CDH18: variants seen among roughly 807,000 people sequenced by gnomAD.
CDH18 encodes the protein cadherin-18.
CDH18 carries 31 observed loss-of-function variants against 67.9 expected under a neutral mutation model. That is an observed-to-expected ratio of 0.46 (90% CI 0.34 to 0.62). CDH18 has a LOEUF of 0.62. CDH18 is among the 20% of genes least tolerant of loss of function. The pLI is 0.01. For missense variants in CDH18, 890 were observed against 975.5 expected (o/e 0.91, Z 1.17); for synonymous variants, 362 against 347.2 (o/e 1.04, Z -0.48).
intron 2 of CDH18, among the ~76,000 whole-genome samples, chr5:19,873,534 C>T (rs1023665422): frequency 2.0e-5 from 3 of 152,166 alleles, no homozygotes; most frequent in African/African-American, 7.2e-5. Context: ...ATGACATATA[C>T]ATTCCCTAGT....
intron 6 of CDH18, among the ~76,000 whole-genome samples, chr5:19,611,734 A>G (rs1211965832): frequency 1.3e-5 from 2 of 152,126 alleles, no homozygotes; most frequent in Admixed American, 6.6e-5. Flanking sequence ...TGTTATCTAT[A>G]GTATCTTCCA....
chr5:20,428,833 T>C lies in CDH18; in HGVS notation c.-580+146629A>G, dbSNP rs1748526212. Among the ~76,000 whole-genome samples the C allele has an allele frequency of 2.0e-5, 3 of 152,140 alleles. No individual in the cohort carries two copies. In the South Asian group the frequency reaches 6.2e-4, roughly 31 times the overall value. ...TTTAGTGGCATTTTTTTCTCAGATA[T>C]AGGAAAACAATAAAGCAAGAAAAAG... On this transcript the variant is annotated intron_variant, in intron 1 of 14. Coordinates refer to the CDH18 transcript ENST00000507958.
At position 20,425,612 on chromosome 5, in the gene CDH18, T is replaced by G. The variant is rs966111832; in HGVS notation, c.-580+149850A>C. Among the ~76,000 whole-genome samples, 4 of 151,024 alleles carry G rather than the reference T, an allele frequency of 2.6e-5. 1 individual carries two copies. Among genetic ancestry groups the G allele is most frequent in the African/African-American group, 9.9e-5 (4 of 40,376 alleles). ...GATAATGTCTAAAATTGACAAATCT[T>G]AAATAGTAAAAATAATTGAAAATAG... is the stretch of plus-strand genomic sequence containing the variant. On this transcript the variant is annotated intron_variant, in intron 1 of 14. Coordinates refer to the CDH18 transcript ENST00000507958.
At chr5:20,107,316 C>T (rs1169143941) in intron 2 of CDH18, among the ~76,000 whole-genome samples, 3 of 152,048 alleles carry the variant, frequency 2.0e-5, no homozygotes, top group South Asian at 4.1e-4. Context: ...CCTCGTGATC[C>T]GCCTGCCTTG....
intron 1 of CDH18, among the ~76,000 whole-genome samples, chr5:20,542,726 T>C (rs1350839522): frequency 2.0e-5 from 3 of 152,076 alleles, no homozygotes; most frequent in South Asian, 4.1e-4. Context: ...TCTGTCTTCA[T>C]TGATTTATGA....
chr5:20,345,401 G>A (rs964008900), intron 1 of CDH18, among the ~76,000 whole-genome samples: 1 of 152,110 alleles, frequency 6.6e-6, no homozygotes, highest in Non-Finnish European at 1.5e-5. Context: ...TTTCTGCTAG[G>A]ATTTAATGTC....
At chr5:20,328,473 TTGTGTGTGTGTGTGTGTGTG>T (rs70954646) in intron 1 of CDH18, among the ~76,000 whole-genome samples, 3 of 141,310 alleles carry the variant, frequency 2.1e-5, no homozygotes, top group Non-Finnish European at 4.6e-5. Context: ...GAGAAGCCAT[TTGTGTGTGTGTGTGTGTGTG>T]TGTGTGTGTG....
intron 4 of CDH18, among the ~76,000 whole-genome samples, chr5:19,724,135 TG>T (rs1258110495): frequency 2.6e-5 from 4 of 152,228 alleles, no homozygotes; most frequent in African/African-American, 9.6e-5. Context: ...ATGAGAGACT[TG>T]TTAAATGAAC....
intron 2 of CDH18, among the ~76,000 whole-genome samples, chr5:20,044,780 A>G (rs968070332): frequency 2.0e-5 from 3 of 152,126 alleles, no homozygotes; most frequent in South Asian, 4.1e-4. Context: ...TTGTCTCTCT[A>G]TGTTCCAGGT....
chr5:19,673,439 A>C (rs1759034573), intron 5 of CDH18, among the ~76,000 whole-genome samples: 1 of 152,036 alleles, frequency 6.6e-6, no homozygotes, highest in African/African-American at 2.4e-5. Context: ...ATCTGATTTT[A>C]AGCTTTCTTA....
At chr5:20,272,047 A>C (rs1243597524) in intron 1 of CDH18, among the ~76,000 whole-genome samples, 1 of 152,068 alleles carries the variant, frequency 6.6e-6, no homozygotes, top group Non-Finnish European at 1.5e-5. Context: ...AGGGAGGTGA[A>C]CATTTCCAGT....
rs2126648943 is a variant in CDH18, at chr5:20,562,061, T to C, written c.-580+13401A>G. Among the ~76,000 whole-genome samples, 3 of 151,974 alleles carry C rather than the reference T, an allele frequency of 2.0e-5. No individual in the cohort carries two copies. In the Middle Eastern group the frequency reaches 0.01, roughly 517 times the overall value. Reference sequence around the variant, plus strand: ...ATATTCAAAGGTATTACAATAAAAATTTAGAGAAGTTTAATTATAAAATTC... The same window carrying C: ...ATATTCAAAGGTATTACAATAAAAACTTAGAGAAGTTTAATTATAAAATTC... On this transcript the variant is annotated intron_variant, in intron 1 of 14. Coordinates refer to the CDH18 transcript ENST00000507958.
At chr5:20,281,853 T>C (rs1430669073) in intron 1 of CDH18, among the ~76,000 whole-genome samples, 1 of 152,212 alleles carries the variant, frequency 6.6e-6, no homozygotes, top group Non-Finnish European at 1.5e-5. Context: ...GAGCATGGAA[T>C]GTTCTTCCAT....
intron 2 of CDH18, among the ~76,000 whole-genome samples, chr5:20,201,475 C>T (rs1739440556): frequency 6.6e-6 from 1 of 151,914 alleles, no homozygotes; most frequent in African/African-American, 2.4e-5. Flanking sequence ...TGGGGTATTA[C>T]TAAATGTGGA....
At chr5:20,231,743 T>G (rs1742095219) in intron 2 of CDH18, among the ~76,000 whole-genome samples, 1 of 152,288 alleles carries the variant, frequency 6.6e-6, no homozygotes. Context: ...AGCTGAATGG[T>G]AACAAAAAGA....
At chr5:20,091,956 A>AT (rs1475862073) in intron 2 of CDH18, among the ~76,000 whole-genome samples, 1 of 152,060 alleles carries the variant, frequency 6.6e-6, no homozygotes, top group Non-Finnish European at 1.5e-5. Flanking sequence ...TTTTGTTTTG[A>AT]TTTTTTCATG....
intron 1 of CDH18, among the ~76,000 whole-genome samples, chr5:20,452,388 T>C (rs76928725): frequency 0.016 from 2,507 of 152,194 alleles, 33 homozygotes; most frequent in Non-Finnish European, 0.024. Context: ...CAGTGACAGA[T>C]TGGATAAAAA....
chr5:20,404,356 GGCCTA>G (rs1252197023), intron 1 of CDH18, among the ~76,000 whole-genome samples: 1 of 152,148 alleles, frequency 6.6e-6, no homozygotes. Context: ...TGATGCAAAA[GGCCTA>G]GCTTTGGGTC....
At chr5:20,159,567 A>G (rs980705021) in intron 2 of CDH18, among the ~76,000 whole-genome samples, 2 of 152,124 alleles carry the variant, frequency 1.3e-5, no homozygotes, top group Non-Finnish European at 2.9e-5. Flanking sequence ...GCAAACAGTA[A>G]TTGTCAGTCA....
Sources: gnomAD v4.1 joint callset for allele counts (sites outside exome capture counted in the v4.1 genomes callset) on GRCh38, gnomAD v4.1.1 for gene constraint, MANE v1.5 for transcripts, NCBI Gene and HGNC (gene_info 2026-07-23, HGNC 2026-07-21) for gene names.